The following BRAT1 variants were observed in gnomAD, a reference collection of about 807,000 sequenced individuals.
BRAT1 encodes the protein integrator complex assembly factor BRAT1.
BRAT1 carries 74 observed loss-of-function variants against 70.6 expected under a neutral mutation model. The ratio of observed to expected loss-of-function variants is 1.05; its 90% CI spans 0.87 to 1.27. The LOEUF is 1.27. BRAT1 is among the 50% of genes most tolerant of loss of function. BRAT1 has a pLI of 0.00. For missense variants in BRAT1, 1,203 were observed against 1,098.2 expected (o/e 1.10, Z -1.35); for synonymous variants, 615 against 517.1 (o/e 1.19, Z -2.57).
rs917217042 is a variant in BRAT1, at chr7:2,543,089, G to C, written c.923+115C>G. ...CCACCCAGTCACACCCCGCACGGCC[G>C]CCTGACTGTCCCTGGTGTCCGGAAC... On this transcript the variant is annotated intron_variant, in intron 6 of 13. Coordinates refer to ENST00000340611, the MANE Select transcript of BRAT1 (RefSeq NM_152743.4). This position sits in a 1 kb window ranked among gnomAD's most constrained non-coding sequence, Gnocchi z 5.5. The C allele has an allele frequency of 7.3e-7, 1 of 1,377,244 alleles. No homozygotes were observed. The allele number at this position is 1,377,244 out of a possible 1,614,324, so 85.3% of individuals were successfully genotyped here. A position where few individuals can be genotyped will look rare whatever the true frequency, so the allele number is the denominator to read the frequency against.
At chr7:2,555,450 A>C (rs1463901445) in intron 1 of BRAT1, 37 bp downstream of exon 1, 2 of 151,718 alleles carry the variant, frequency 1.3e-5, no homozygotes. Flanking sequence ...GCGCCCCACT[A>C]CCACGACCTC....
chr7:2,544,739 G>C (rs777298153), intron 4 of BRAT1, among the ~76,000 whole-genome samples, 170 bp downstream of exon 4: 11 of 152,162 alleles, frequency 7.2e-5, no homozygotes, highest in Non-Finnish European at 1.5e-4. Context: ...GGCTCCTAGG[G>C]CCTGACCTGC....
In BRAT1 at chr7:2,538,010, A is replaced by G; in HGVS notation, c.*59T>C. ...AGCCCTGGGGCTGGCAGTGTCCCAC[A>G]GAAGGACATGGTGCTGCCTCCCTTG... On this transcript the variant is annotated 3_prime_UTR_variant, in exon 14 of 14. Coordinates refer to ENST00000340611, the MANE Select transcript of BRAT1 (RefSeq NM_152743.4). The G allele has an allele frequency of 6.8e-7, 1 of 1,479,200 alleles. No homozygotes were observed. The highest frequency in any genetic ancestry group is 9.0e-7 in the Non-Finnish European group (1 of 1,116,320). 91.6% of individuals were successfully genotyped at this position (1,479,200 alleles called of 1,614,324 possible).
At chr7:2,542,080 AC>A (rs1403334656) in intron 7 of BRAT1, 39 bp downstream of exon 7, 1 of 1,458,378 alleles carries the variant, frequency 6.9e-7, no homozygotes, top group African/African-American at 1.4e-5. Flanking sequence ...AGCCGCAGGG[AC>A]CCAGGTTCTG....
chr7:2,543,363 C>T lies in BRAT1; in HGVS notation c.804-40G>A. ...CAGAGAGAAAAATTACTCCCCCACC[C>T]TCAAAACCCCATTCGAGGCCTGGCT... On this transcript the variant is annotated intron_variant, in intron 5 of 13. Coordinates refer to ENST00000340611, the MANE Select transcript of BRAT1 (RefSeq NM_152743.4). This position sits in a 1 kb window ranked among gnomAD's most constrained non-coding sequence, Gnocchi z 5.5. 6.5e-7 allele frequency: 1 copy of T among 1,541,394 alleles called. No homozygotes were observed. The highest frequency in any genetic ancestry group is 8.8e-7 in the Non-Finnish European group (1 of 1,142,336).
At chr7:2,547,797 G>A (rs1007438764) in intron 2 of BRAT1, among the ~76,000 whole-genome samples, 2 of 152,116 alleles carry the variant, frequency 1.3e-5, no homozygotes, top group Non-Finnish European at 2.9e-5. Context: ...TAAAGTGAAA[G>A]ACCAGGCTGG....
At chr7:2,546,759 AAAAT>A (rs1225833573) in intron 3 of BRAT1, among the ~76,000 whole-genome samples, 1 of 152,112 alleles carries the variant, frequency 6.6e-6, no homozygotes, top group African/African-American at 2.4e-5. Flanking sequence ...AAATAAAATA[AAAAT>A]AAATAAAATT....
At chr7:2,554,104 T>C (rs1258964428) in intron 2 of BRAT1, among the ~76,000 whole-genome samples, 1 of 152,200 alleles carries the variant, frequency 6.6e-6, no homozygotes, top group African/African-American at 2.4e-5. Context: ...GCTCTAACTC[T>C]CCAGATCATT....
chr7:2,552,792 G>A (rs548682927), intron 2 of BRAT1, among the ~76,000 whole-genome samples: 13 of 151,246 alleles, frequency 8.6e-5, no homozygotes, highest in African/African-American at 2.9e-4. Flanking sequence ...AGGCTGCAGT[G>A]CAGTGGCGTG....
chr7:2,548,598 C>T (rs1318141395), intron 2 of BRAT1, among the ~76,000 whole-genome samples: 5 of 151,056 alleles, frequency 3.3e-5, no homozygotes, highest in African/African-American at 4.9e-5. Context: ...CCCAGGAGTT[C>T]GAGGCTGCAG....
At position 2,540,955 on chromosome 7, in the gene BRAT1, C is replaced by T. The variant is rs372241290; in HGVS notation, c.1395+24G>A. 1.2e-4 allele frequency: 174 copies of T among 1,512,620 alleles called. No homozygotes were observed. The African/African-American group carries it at 2.2e-3, about 19-fold the overall frequency. 93.7% of individuals were successfully genotyped at this position (1,512,620 alleles called of 1,614,324 possible). On this transcript the variant is annotated intron_variant, in intron 10 of 13. Transcript: ENST00000340611. ...ACTGCCTCTGCCTCCCTCCTCTCCT[C>T]GCTCTCTATCCCCACCACCGTACCG... is the stretch of plus-strand genomic sequence containing the variant.
intron 2 of BRAT1, among the ~76,000 whole-genome samples, chr7:2,552,172 C>T (rs550848446): frequency 4.1e-5 from 5 of 121,090 alleles, no homozygotes; most frequent in African/African-American, 1.6e-4. Context: ...GGCTGGAGTG[C>T]AATGGCGTTA....
Position 2,539,112 on chromosome 7 carries a change from C to T in BRAT1, c.1770+67G>A, listed in dbSNP as rs770734758. 7.2e-6 allele frequency: 11 copies of T among 1,529,230 alleles called. No individual in the cohort carries two copies. The East Asian group carries it at 9.1e-5, about 13-fold the overall frequency. The allele number at this position is 1,529,230 out of a possible 1,614,324, so 94.7% of individuals were successfully genotyped here. On this transcript the variant is annotated intron_variant, in intron 13 of 13. Transcript: ENST00000340611. ...GCTGCATGCTGGCCGCTCGACCACC[C>T]GCAAGCAAACGAGCACACACGATGG...
At chr7:2,539,034 G>C (rs1250863168) in intron 13 of BRAT1, 145 bp downstream of exon 13, 3 of 1,443,836 alleles carry the variant, frequency 2.1e-6, no homozygotes, top group South Asian at 1.4e-5. Flanking sequence ...CACAGCCCCA[G>C]GGCCTCGGCA....
intron 2 of BRAT1, among the ~76,000 whole-genome samples, chr7:2,548,763 C>A (rs549183588): frequency 3.9e-4 from 59 of 151,906 alleles, no homozygotes; most frequent in African/African-American, 1.3e-3. Context: ...GAGATTGAGA[C>A]CATCCTGGCA....
chr7:2,539,378 C>T, intron 12 of BRAT1, 27 bp from the exon 13 acceptor site: 1 of 1,586,262 alleles, frequency 6.3e-7, no homozygotes, highest in East Asian at 2.3e-5. Context: ...CCACATGCAG[C>T]TGTGACTGAG....
chr7:2,543,290 C>T lies in BRAT1; in HGVS notation c.837G>A (p.Leu279=). The T allele has an allele frequency of 1.2e-6, 2 of 1,609,442 alleles. No homozygotes were observed. Among genetic ancestry groups the T allele is most frequent in the Non-Finnish European group, 1.7e-6 (2 of 1,177,824 alleles). The change falls in exon 6 of 14, where the codon CTG becomes CTA. Residue 279 remains leucine, a synonymous_variant. Transcript: ENST00000340611. This position sits in a 1 kb window ranked among gnomAD's most constrained non-coding sequence, Gnocchi z 5.5. Reference sequence around the variant, plus strand: ...TCAGAGCCCGCGCCACTGTCTCCCACAGGCTGCCGTCGGAAGAACTGAACA... The same window carrying T: ...TCAGAGCCCGCGCCACTGTCTCCCATAGGCTGCCGTCGGAAGAACTGAACA... ...SPVFSSSDGS[L]WETVARALSC... is the part of the protein sequence containing the mutation.
rs767351881 is a variant in BRAT1 at position 2,547,401 on chromosome 7, T to C, written c.205A>G (p.Ser69Gly). Residue 69 changes from serine to glycine, a missense_variant, in exon 3 of 14, where the codon AGT becomes GGT. Transcript: ENST00000340611. ...AGTGAGAAGGAGAGGACCCCAGAAC[T>C]CAGGTCCTGGACTTTCAGCACATGG... ...LSHVLKVQDL[S>G]SGVLSFSLRL... is the part of the protein sequence containing the mutation. 6.2e-7 allele frequency: 1 copy of C among 1,614,032 alleles called. No individual in the cohort carries two copies. Among genetic ancestry groups the C allele is most frequent in the Admixed American group, 1.7e-5 (1 of 60,012 alleles).
At position 2,539,611 on chromosome 7, in the gene BRAT1, G is replaced by A; in HGVS notation, c.1530C>T (p.Cys510=). ...AGTCCCTCACCTCCCAGCAGGGGTGGCACAGGCGTTTCTGCAGCACAGGGA... is the reference window on the plus strand; with the variant it reads ...AGTCCCTCACCTCCCAGCAGGGGTGACACAGGCGTTTCTGCAGCACAGGGA... The part of the protein sequence containing the change: ...ELFPVLQKRL[C]HPCWEVRDSA... Residue 510 remains cysteine (C), a synonymous_variant, in exon 12 of 14, where the codon TGC becomes TGT. Transcript: ENST00000340611. 4 of 1,593,606 alleles carry A rather than the reference G, an allele frequency of 2.5e-6. No individual in the cohort carries two copies. Among genetic ancestry groups the A allele is most frequent in the Non-Finnish European group, 3.4e-6 (4 of 1,169,506 alleles).
Sources: gnomAD v4.1 joint callset for allele counts (sites outside exome capture counted in the v4.1 genomes callset) on GRCh38, gnomAD v4.1.1 for gene constraint, Gnocchi (gnomAD v3.1) non-coding constraint, MANE v1.5 for transcripts, NCBI Gene and HGNC (gene_info 2026-07-23, HGNC 2026-07-21) for gene names.